Variants in AAK1 observed in about 807,000 individuals in gnomAD.
The protein encoded by AAK1 is AP2 associated kinase 1.
Under a neutral mutation model 116.0 loss-of-function variants are expected in AAK1, and 37 were observed. The ratio of observed to expected loss-of-function variants is 0.32; its 90% CI spans 0.25 to 0.42. The LOEUF is 0.42. Ranked by LOEUF, AAK1 falls within the 10% of genes least tolerant of loss-of-function variation. The pLI, the probability that AAK1 is intolerant of heterozygous loss-of-function variation, is 1.00. For synonymous variants in AAK1, 458 were observed against 439.9 expected (o/e 1.04, Z -0.51); for missense variants, 919 against 1,170.6 (o/e 0.79, Z 3.14).
At chr2:69,506,416 T>G (rs1448257352) in intron 15 of AAK1, among the ~76,000 whole-genome samples, 1 of 152,180 alleles carries the variant, frequency 6.6e-6, no homozygotes, top group Admixed American at 6.5e-5. Context: ...CAGGCTAGAG[T>G]GCAGTGGTAA....
chr2:69,636,970 G>A (rs1675473390), intron 2 of AAK1, among the ~76,000 whole-genome samples: 1 of 152,120 alleles, frequency 6.6e-6, no homozygotes, highest in Admixed American at 6.5e-5. Context: ...AAAGTGTTGG[G>A]ATTACAGGCA....
chr2:69,506,331 TGCCCTATCTTCTGTTTAAAAAA>T (rs1304093315), intron 15 of AAK1, among the ~76,000 whole-genome samples: 1 of 152,228 alleles, frequency 6.6e-6, no homozygotes, highest in Non-Finnish European at 1.5e-5. Flanking sequence ...TTAAGTACTA[TGCCCTATCTTCTGTTTAAAAAA>T]GCAAGAAAGT....
chr2:69,614,058 G>A (rs1038164538), intron 2 of AAK1, among the ~76,000 whole-genome samples: 4 of 151,522 alleles, frequency 2.6e-5, no homozygotes, highest in Admixed American at 1.3e-4. Flanking sequence ...TTGTTAGTGT[G>A]GAAAAAACTT....
chr2:69,517,000 A>G (rs1200904373), intron 12 of AAK1: 1 of 152,182 alleles, frequency 6.6e-6, no homozygotes, highest in Non-Finnish European at 1.5e-5. Flanking sequence ...CTGCTTGTGA[A>G]TAGCCACTGC....
chr2:69,525,233 CA>C, intron 9 of AAK1, 121 bp from the exon 10 acceptor site: 2 of 932,278 alleles, frequency 2.1e-6, no homozygotes, highest in Admixed American at 4.6e-5. Flanking sequence ...TCTTCTGGAG[CA>C]GCTTCCAGGC....
At chr2:69,625,549 G>A (rs1674858526) in intron 2 of AAK1, among the ~76,000 whole-genome samples, 1 of 152,136 alleles carries the variant, frequency 6.6e-6, no homozygotes, top group African/African-American at 2.4e-5. Context: ...TACACATAGG[G>A]AGCCTGGTGG....
At chr2:69,524,041 C>A (rs1345043142) in intron 10 of AAK1, among the ~76,000 whole-genome samples, 4 of 152,194 alleles carry the variant, frequency 2.6e-5, no homozygotes, top group African/African-American at 9.6e-5. Context: ...CCTCTTTTGG[C>A]ATCTGCTTTT....
chr2:69,587,413 G>A (rs1040376438), intron 2 of AAK1, among the ~76,000 whole-genome samples: 1 of 150,060 alleles, frequency 6.7e-6, no homozygotes, highest in African/African-American at 2.5e-5. Context: ...ATACACATGT[G>A]TATATATACA....
intron 2 of AAK1, among the ~76,000 whole-genome samples, chr2:69,628,693 T>C (rs185527523): frequency 1.2e-3 from 178 of 152,336 alleles, no homozygotes; most frequent in Non-Finnish European, 2.1e-3. Flanking sequence ...TCTAACACTA[T>C]GATTTTAAAA....
intron 8 of AAK1, 47 bp downstream of exon 8, chr2:69,529,961 T>G: frequency 7.0e-7 from 1 of 1,432,290 alleles, no homozygotes; most frequent in Non-Finnish European, 9.3e-7. Context: ...AATTCATTCT[T>G]TGTGATTAGA....
intron 2 of AAK1, among the ~76,000 whole-genome samples, chr2:69,602,381 G>T (rs1254859785): frequency 6.6e-6 from 1 of 151,098 alleles, no homozygotes. Context: ...AGTTTAGTTT[G>T]TTTTTTTAAG....
intron 20 of AAK1, among the ~76,000 whole-genome samples, chr2:69,477,285 T>C (rs7424196): frequency 0.026 from 4,001 of 152,286 alleles, 262 homozygotes; most frequent in East Asian, 0.19. Context: ...TATCTCTTCA[T>C]TGTCACTAAT....
chr2:69,616,682 A>G (rs1366897866), intron 2 of AAK1, among the ~76,000 whole-genome samples: 1 of 152,180 alleles, frequency 6.6e-6, no homozygotes, highest in Non-Finnish European at 1.5e-5. Flanking sequence ...GACAATCAAA[A>G]ATGTCTCTAG....
At position 69,643,652 on chromosome 2, in the gene AAK1, G is replaced by A. The variant is rs1675860784; in HGVS notation, c.-312C>T. ...GGCCGCCGGGCCGGCCTGCGACGCA[G>A]AGAAGAGGCGGCGCTGCAGCGAGAG... On this transcript the variant is annotated 5_prime_UTR_variant, in exon 1 of 22. Coordinates refer to ENST00000409085, the MANE Select transcript of AAK1 (RefSeq NM_014911.5). 3.3e-6 allele frequency: 4 copies of A among 1,226,906 alleles called. No individual in the cohort carries two copies. The highest frequency in any genetic ancestry group is 4.1e-6 in the Non-Finnish European group (4 of 984,994). 76.0% of individuals were successfully genotyped at this position (1,226,906 alleles called of 1,614,324 possible).
In AAK1 at chr2:69,465,836, C is replaced by G; in HGVS notation, c.*10033G>C. 10 of 1,290,892 alleles carry G rather than the reference C, an allele frequency of 7.7e-6. No homozygotes were observed. The highest frequency in any genetic ancestry group is 1.0e-5 in the Non-Finnish European group (10 of 988,892). 80.0% of individuals were successfully genotyped at this position (1,290,892 alleles called of 1,614,324 possible). On this transcript the variant is annotated 3_prime_UTR_variant, in exon 22 of 22. Transcript: ENST00000409085. The stretch of plus-strand genomic sequence containing the variant: ...GTTGCACAAAACCAGCTGTGGAATA[C>G]TGAGCTTGGACAGAGGTGTACACAG...
chr2:69,620,570 C>T (rs1438455942), intron 2 of AAK1, among the ~76,000 whole-genome samples: 5 of 152,230 alleles, frequency 3.3e-5, no homozygotes, highest in Admixed American at 2.6e-4. Context: ...GTCAATGCCA[C>T]TCCACTGGCC....
At chr2:69,625,157 C>G (rs980655893) in intron 2 of AAK1, among the ~76,000 whole-genome samples, 2 of 152,222 alleles carry the variant, frequency 1.3e-5, no homozygotes, top group African/African-American at 4.8e-5. Context: ...ACAAGACCTT[C>G]GAACTCTCAC....
At chr2:69,610,912 A>G (rs779195710) in intron 2 of AAK1, among the ~76,000 whole-genome samples, 2 of 152,200 alleles carry the variant, frequency 1.3e-5, no homozygotes, top group African/African-American at 2.4e-5. Context: ...ACTCTTATGG[A>G]TTGCTGATGG....
At chr2:69,599,785 G>T (rs1482020720) in intron 2 of AAK1, among the ~76,000 whole-genome samples, 1 of 151,974 alleles carries the variant, frequency 6.6e-6, no homozygotes, top group Non-Finnish European at 1.5e-5. Flanking sequence ...TGTGTTTGTT[G>T]TTGTTGTTTT....
Sources: allele counts gnomAD v4.1 joint callset (sites outside exome capture counted in the v4.1 genomes callset), GRCh38; gene constraint gnomAD v4.1.1; transcripts MANE v1.5; gene names NCBI Gene and HGNC (gene_info 2026-07-23, HGNC 2026-07-21).